Variants in ATP10D observed in about 807,000 individuals in gnomAD.
ATP10D encodes ATPase phospholipid transporting 10D (putative).
A neutral mutation model predicts 144.8 loss-of-function variants in ATP10D; 89 were observed. That is an observed-to-expected ratio of 0.61 (90% confidence interval 0.52 to 0.73). The LOEUF (loss-of-function observed/expected upper bound fraction) is 0.73, where lower values mean the gene tolerates loss of function less well. ATP10D is among the 30% of genes least tolerant of loss of function. ATP10D has a pLI of 0.00. For missense variants in ATP10D, 1,603 were observed against 1,714.8 expected (o/e 0.93, Z 1.15); for synonymous variants, 571 against 615.1 (o/e 0.93, Z 1.06).
At chr4:47,590,298 C>G (rs928278380) in intron 22 of ATP10D, among the ~76,000 whole-genome samples, 13 of 152,094 alleles carry the variant, frequency 8.5e-5, no homozygotes, top group African/African-American at 3.1e-4. Context: ...TGCTAAGCCA[C>G]AAGGAACTTG....
In ATP10D at chr4:47,554,881, A is replaced by G. The variant is rs561639566; in HGVS notation, c.1791A>G (p.Val597=). 3.1e-6 allele frequency: 5 copies of G among 1,614,172 alleles called. No individual in the cohort carries two copies. The South Asian group carries it at 4.4e-5, about 14-fold the overall frequency. Residue 597 remains valine (V), a synonymous_variant, in exon 11 of 23, where the codon GTA becomes GTG. Coordinates refer to ENST00000273859, the MANE Select transcript of ATP10D (RefSeq NM_020453.4). ...TTGCATTGGCAATTTGCAACACAGT[A>G]GTGGTTTCTGCTCCTAACCAACCCC... The part of the protein sequence containing the change: ...FFIALAICNT[V]VVSAPNQPRQ...
At chr4:47,588,630 A>G (rs1686912981) in intron 22 of ATP10D, among the ~76,000 whole-genome samples, 1 of 152,144 alleles carries the variant, frequency 6.6e-6, no homozygotes, top group African/African-American at 2.4e-5. Context: ...AGTGGACACA[A>G]TCCTTTGTTG....
intron 1 of ATP10D, among the ~76,000 whole-genome samples, chr4:47,498,107 G>A (rs546941689): frequency 6.6e-6 from 1 of 152,206 alleles, no homozygotes; most frequent in African/African-American, 2.4e-5. Context: ...TTTCCTCATT[G>A]GAAAACTGAG....
chr4:47,508,511 A>G (rs1285535957), intron 1 of ATP10D, among the ~76,000 whole-genome samples: 2 of 152,364 alleles, frequency 1.3e-5, no homozygotes, highest in East Asian at 3.9e-4. Flanking sequence ...CTGAGTAGCT[A>G]CTAAGTAGTA....
At chr4:47,573,743 A>T (rs1720086566) in intron 18 of ATP10D, among the ~76,000 whole-genome samples, 1 of 152,182 alleles carries the variant, frequency 6.6e-6, no homozygotes, top group South Asian at 2.1e-4. Context: ...TTTAAAGTCC[A>T]TATGTAGTAT....
chr4:47,506,208 A>G (rs1462698002), intron 1 of ATP10D, among the ~76,000 whole-genome samples: 2 of 152,226 alleles, frequency 1.3e-5, no homozygotes, highest in African/African-American at 4.8e-5. Context: ...ATCGCATTAT[A>G]TAGTTGGAGC....
At chr4:47,512,097 A>G (rs79302061) in intron 1 of ATP10D, among the ~76,000 whole-genome samples, 18,873 of 152,232 alleles carry the variant, frequency 0.12, 1,286 homozygotes, top group African/African-American at 0.15. Flanking sequence ...TTGATGTCCT[A>G]TGATTTATCA....
intron 9 of ATP10D, among the ~76,000 whole-genome samples, chr4:47,538,566 C>G (rs1717964741): frequency 6.6e-6 from 1 of 152,184 alleles, no homozygotes; most frequent in Non-Finnish European, 1.5e-5. Flanking sequence ...ATCTCTAAGT[C>G]AGGACTCTGG....
intron 22 of ATP10D, among the ~76,000 whole-genome samples, chr4:47,589,409 T>C (rs114869525): frequency 0.011 from 1,624 of 152,258 alleles, 28 homozygotes; most frequent in African/African-American, 0.038. Flanking sequence ...GGAAGTGGCT[T>C]TGAAACTGGA....
At chr4:47,501,376 A>C (rs1715672969) in intron 1 of ATP10D, among the ~76,000 whole-genome samples, 1 of 152,242 alleles carries the variant, frequency 6.6e-6, no homozygotes. Context: ...CTCACCTAGT[A>C]CAAAATGAAT....
rs750075191 is a variant in ATP10D, at chr4:47,535,534, G to A, written c.802G>A (p.Gly268Ser). The A allele has an allele frequency of 6.2e-7, 1 of 1,612,474 alleles. No individual in the cohort carries two copies. Among genetic ancestry groups the A allele is most frequent in the South Asian group, 1.1e-5 (1 of 90,818 alleles). ...AGAACATTCCAACAAAGAACGCGTGGGTCTCAGTAAAGAAAATTTGTTGCT... is the reference window on the plus strand; with the variant it reads ...AGAACATTCCAACAAAGAACGCGTGAGTCTCAGTAAAGAAAATTTGTTGCT... ...FLEHSNKERV[G>S]LSKENLLLRG... The change falls in exon 6 of 23, where the codon GGT becomes AGT. Residue 268 changes from glycine to serine, a missense_variant. Gly to Ser is a moderately conservative substitution (Grantham distance 56). Transcript: ENST00000273859.
At chr4:47,551,029 G>C (rs1216888738) in intron 10 of ATP10D, among the ~76,000 whole-genome samples, 1 of 152,252 alleles carries the variant, frequency 6.6e-6, no homozygotes, top group Non-Finnish European at 1.5e-5. Flanking sequence ...CCCTATCCTT[G>C]TCCCTCCCGC....
intron 15 of ATP10D, among the ~76,000 whole-genome samples, chr4:47,568,586 C>T (rs906476547): frequency 6.6e-6 from 1 of 152,156 alleles, no homozygotes; most frequent in African/African-American, 2.4e-5. Context: ...AGGCAAATTG[C>T]ACACATGAAG....
intron 1 of ATP10D, among the ~76,000 whole-genome samples, chr4:47,511,812 A>T (rs181824212): frequency 1.2e-3 from 177 of 152,284 alleles, no homozygotes; most frequent in African/African-American, 4.2e-3. Context: ...GTATTTATAG[A>T]GGCTATGGTG....
intron 9 of ATP10D, among the ~76,000 whole-genome samples, chr4:47,537,793 A>G (rs1717929723): frequency 6.6e-6 from 1 of 152,170 alleles, no homozygotes. Flanking sequence ...GTGGCCACTT[A>G]GTTTGTTAAT....
chr4:47,564,141 T>C (rs1160201698), intron 15 of ATP10D, among the ~76,000 whole-genome samples: 1 of 152,090 alleles, frequency 6.6e-6, no homozygotes, highest in Non-Finnish European at 1.5e-5. Flanking sequence ...ATCCGCCAGC[T>C]TTGGCCTCCC....
chr4:47,572,188 G>T lies in ATP10D; in HGVS notation c.3198G>T (p.Val1066=). 3 of 1,614,036 alleles carry T rather than the reference G, an allele frequency of 1.9e-6. No individual in the cohort carries two copies. In the South Asian group the frequency reaches 3.3e-5, roughly 18 times the overall value. ...CCAATGATGTTAGCATGATACAAGT[G>T]GCAGACATTGGGATAGGGGTCTCAG... ...DGANDVSMIQ[V]ADIGIGVSGQ... is the part of the protein sequence containing the mutation. The change falls in exon 17 of 23, where the codon GTG becomes GTT. Residue 1066 remains valine, a synonymous_variant. Coordinates refer to ENST00000273859, the MANE Select transcript of ATP10D (RefSeq NM_020453.4).
intron 21 of ATP10D, among the ~76,000 whole-genome samples, chr4:47,584,288 C>T (rs1720673327): frequency 6.6e-6 from 1 of 152,190 alleles, no homozygotes; most frequent in African/African-American, 2.4e-5. Flanking sequence ...TATTCTTTGA[C>T]TTTCACTTCT....
At chr4:47,567,808 T>C (rs748862690) in intron 15 of ATP10D, among the ~76,000 whole-genome samples, 3 of 152,214 alleles carry the variant, frequency 2.0e-5, no homozygotes, top group Non-Finnish European at 4.4e-5. Flanking sequence ...CACATGTCCA[T>C]ATCTACTTCT....
Sources: gnomAD v4.1 joint callset for allele counts (sites outside exome capture counted in the v4.1 genomes callset) on GRCh38, gnomAD v4.1.1 for gene constraint, MANE v1.5 for transcripts, NCBI Gene and HGNC (gene_info 2026-07-23, HGNC 2026-07-21) for gene names.